Variants in ST6GAL2 observed in about 807,000 individuals in gnomAD.
The protein encoded by ST6GAL2 is beta-galactoside alpha-2,6-sialyltransferase 2.
Under a neutral mutation model 37.5 loss-of-function variants are expected in ST6GAL2, and 24 were observed. The observed-to-expected ratio is 0.64, with a 90% confidence interval of 0.46 to 0.90. The LOEUF (loss-of-function observed/expected upper bound fraction) is 0.90. Among genes scored for constraint, ST6GAL2 ranks in the 40% least tolerant of loss-of-function variants. The pLI, the probability that ST6GAL2 is intolerant of heterozygous loss-of-function variation, is 0.00. For synonymous variants in ST6GAL2, 306 were observed against 295.1 expected (o/e 1.04, Z -0.38); for missense variants, 715 against 712.7 (o/e 1.00, Z -0.04).
At chr2:106,848,434 A>C (rs1677231803) in intron 1 of ST6GAL2, among the ~76,000 whole-genome samples, 1 of 152,248 alleles carries the variant, frequency 6.6e-6, no homozygotes, top group African/African-American at 2.4e-5. Flanking sequence ...CTAAAAAATG[A>C]GAAATGCAGG....
chr2:106,866,505 C>G (rs745506976), intron 1 of ST6GAL2, among the ~76,000 whole-genome samples: 1 of 152,204 alleles, frequency 6.6e-6, no homozygotes, highest in African/African-American at 2.4e-5. Flanking sequence ...GGGAGTTCAG[C>G]AGGACTCAAA....
intron 1 of ST6GAL2, among the ~76,000 whole-genome samples, chr2:106,864,599 T>C (rs919486122): frequency 6.6e-6 from 1 of 152,354 alleles, no homozygotes; most frequent in African/African-American, 2.4e-5. Context: ...TAAGTTTTTT[T>C]CATTTATTAG....
intron 5 of ST6GAL2, chr2:106,822,789 G>T (rs1353183857): frequency 1.3e-5 from 2 of 151,932 alleles, no homozygotes; most frequent in Non-Finnish European, 2.9e-5. Flanking sequence ...AAGTAATTGT[G>T]GTTTTTGCCA....
chr2:106,833,937 T>C, intron 3 of ST6GAL2, 112 bp downstream of exon 3: 3 of 680,498 alleles, frequency 4.4e-6, no homozygotes, highest in Non-Finnish European at 7.6e-6. Flanking sequence ...AGTACCACGG[T>C]CATAATTAAC....
chr2:106,867,126 G>A (rs1678061714), intron 1 of ST6GAL2, among the ~76,000 whole-genome samples: 1 of 152,156 alleles, frequency 6.6e-6, no homozygotes, highest in South Asian at 2.1e-4. Flanking sequence ...TAGTACCTTG[G>A]AGGGCACTTC....
intron 2 of ST6GAL2, among the ~76,000 whole-genome samples, chr2:106,836,130 A>G (rs1676626442): frequency 6.6e-6 from 1 of 152,180 alleles, no homozygotes; most frequent in Non-Finnish European, 1.5e-5. Flanking sequence ...TTTCAATTTA[A>G]AAAACCTCTA....
In ST6GAL2 at chr2:106,846,800, C is replaced by T. The variant is rs57370481; in HGVS notation, c.-57-2766G>A. Among the ~76,000 whole-genome samples, 814 of 152,290 alleles carry T rather than the reference C, an allele frequency of 5.3e-3. 11 individuals are homozygous for T. Among genetic ancestry groups the T allele is most frequent in the African/African-American group, 0.019 (776 of 41,568 alleles). On this transcript the variant is annotated intron_variant, in intron 1 of 5. Coordinates refer to ENST00000409382, the MANE Select transcript of ST6GAL2 (RefSeq NM_001142351.2). ...AAGCGAGCGTAGAAGAATTAATACC[C>T]GCAGTTAGCTTACTATATATACAGG...
chr2:106,825,952 T>C (rs754092393), intron 5 of ST6GAL2, among the ~76,000 whole-genome samples: 2 of 152,132 alleles, frequency 1.3e-5, no homozygotes, highest in Non-Finnish European at 2.9e-5. Flanking sequence ...AGGCCTTGAA[T>C]TGCACTAATA....
chr2:106,858,864 G>A (rs1677687263), intron 1 of ST6GAL2, among the ~76,000 whole-genome samples: 1 of 152,166 alleles, frequency 6.6e-6, no homozygotes, highest in African/African-American at 2.4e-5. Flanking sequence ...TGTGATGAAT[G>A]TGTGAGCCAG....
intron 3 of ST6GAL2, among the ~76,000 whole-genome samples, 156 bp downstream of exon 3, chr2:106,833,893 T>C (rs780639909): frequency 1.3e-5 from 2 of 152,230 alleles, no homozygotes; most frequent in Non-Finnish European, 2.9e-5. Flanking sequence ...TCTTCATTAA[T>C]TTCTATTAAT....
intron 5 of ST6GAL2, 87 bp downstream of exon 5, chr2:106,829,979 C>T (rs777565491): frequency 7.7e-5 from 97 of 1,267,338 alleles, no homozygotes; most frequent in Non-Finnish European, 1.1e-4. Context: ...GTATTTTCAA[C>T]CTGTATAACA....
chr2:106,858,202 G>GT (rs1393528372), intron 1 of ST6GAL2, among the ~76,000 whole-genome samples: 1 of 152,136 alleles, frequency 6.6e-6, no homozygotes, highest in African/African-American at 2.4e-5. Flanking sequence ...CTTTACTCAT[G>GT]TTTTTTACTC....
intron 5 of ST6GAL2, among the ~76,000 whole-genome samples, chr2:106,808,623 C>T (rs1675502890): frequency 6.6e-6 from 1 of 152,120 alleles, no homozygotes; most frequent in African/African-American, 2.4e-5. Flanking sequence ...GAAAAGGAAG[C>T]AGTACCCCCC....
chr2:106,880,094 A>T (rs541137641), intron 1 of ST6GAL2, among the ~76,000 whole-genome samples: 21 of 151,640 alleles, frequency 1.4e-4, no homozygotes, highest in Non-Finnish European at 2.7e-4. Flanking sequence ...ATACTTTTAA[A>T]AGAAAACCAT....
intron 1 of ST6GAL2, among the ~76,000 whole-genome samples, chr2:106,884,178 C>G (rs74873989): frequency 6.6e-6 from 1 of 152,128 alleles, no homozygotes; most frequent in South Asian, 2.1e-4. Flanking sequence ...TTTCAGCAGT[C>G]CCTTCGCTAT....
At chr2:106,836,943 T>TAAAAAAAA in intron 2 of ST6GAL2, among the ~76,000 whole-genome samples, 1 of 35,680 alleles carries the variant, frequency 2.8e-5, no homozygotes, top group African/African-American at 1.3e-4. Flanking sequence ...AAATTCCATC[T>TAAAAAAAA]CAAAAAAAAA....
chr2:106,819,778 A>G (rs573148162), intron 5 of ST6GAL2, among the ~76,000 whole-genome samples: 18 of 152,158 alleles, frequency 1.2e-4, no homozygotes, highest in African/African-American at 2.9e-4. Context: ...CATAATAACT[A>G]TAACAACTTT....
At chr2:106,848,175 C>G (rs908437040) in intron 1 of ST6GAL2, among the ~76,000 whole-genome samples, 2 of 151,804 alleles carry the variant, frequency 1.3e-5, no homozygotes, top group African/African-American at 4.8e-5. Flanking sequence ...CTCCTGAAAC[C>G]CTGCAATTTC....
intron 1 of ST6GAL2, among the ~76,000 whole-genome samples, chr2:106,845,408 G>C (rs984591931): frequency 1.8e-4 from 27 of 152,270 alleles, no homozygotes; most frequent in African/African-American, 5.8e-4. Context: ...AGAGTGCAGG[G>C]AGGCAACACA....
Sources: gnomAD v4.1 joint callset for allele counts (sites outside exome capture counted in the v4.1 genomes callset) on GRCh38, gnomAD v4.1.1 for gene constraint, MANE v1.5 for transcripts, NCBI Gene and HGNC (gene_info 2026-07-23, HGNC 2026-07-21) for gene names.